The following LTO1 variants were observed in gnomAD, a reference collection of about 807,000 sequenced individuals.
LTO1 encodes protein LTO1 homolog.
A neutral mutation model predicts 19.8 loss-of-function variants in LTO1; 18 were observed. The ratio of observed to expected loss-of-function variants is 0.91; its 90% confidence interval spans 0.63 to 1.35. The LOEUF is 1.35. Among genes scored for constraint, LTO1 ranks in the 40% most tolerant of loss-of-function variants. The probability of loss-of-function intolerance (pLI) is 0.00; values close to 1 mark genes in which losing one functional copy is unlikely to be tolerated. For missense variants in LTO1, 175 were observed against 167.9 expected (o/e 1.04, Z -0.23); for synonymous variants, 59 against 59.6 (o/e 0.99, Z 0.05).
At chr11:69,672,825 T>A in intron 2 of LTO1, 1 of 310,794 alleles carries the variant, frequency 3.2e-6, no homozygotes, top group Non-Finnish European at 6.4e-6. Flanking sequence ...TTTTTGGAGA[T>A]GGAGTTTCAT....
rs1437491041 is a variant in LTO1 at position 69,673,269 on chromosome 11, C to G, written c.103G>C (p.Val35Leu). Reference sequence around the variant, plus strand: ...GTGCCATGCTGCCTTCCCTCCATCACACCCAAACTACTGCCTTCTTCATAG... The same window carrying G: ...GTGCCATGCTGCCTTCCCTCCATCAGACCCAAACTACTGCCTTCTTCATAG... The part of the protein sequence containing the change: ...EGYEEGSSLG[V>L]MEGRQHGTLH... The change falls in exon 2 of 5, where the codon GTG (valine) becomes CTG (leucine). Residue 35 changes from valine to leucine, a missense_variant. Transcript: ENST00000279147. 4 of 1,613,810 alleles carry G rather than the reference C, an allele frequency of 2.5e-6. No homozygotes were observed. The Admixed American group carries it at 6.7e-5, about 27-fold the overall frequency.
At chr11:69,674,245 C>G (rs1856155123) in intron 1 of LTO1, among the ~76,000 whole-genome samples, 1 of 152,154 alleles carries the variant, frequency 6.6e-6, no homozygotes, top group Non-Finnish European at 1.5e-5. Context: ...AGCACTAGCC[C>G]AAGTCAACCG....
At chr11:69,668,166 ATATT>A (rs1365105223) in intron 3 of LTO1, 154 bp from the exon 4 acceptor site, 5 of 631,968 alleles carry the variant, frequency 7.9e-6, no homozygotes, top group South Asian at 7.4e-5. Context: ...ACACGAAATC[ATATT>A]TATTTACCTA....
intron 3 of LTO1, among the ~76,000 whole-genome samples, chr11:69,668,923 GA>G (rs1301147687): frequency 6.6e-6 from 1 of 151,832 alleles, no homozygotes; most frequent in Non-Finnish European, 1.5e-5. Flanking sequence ...AGCTACTCGG[GA>G]GGCTGAGACA....
In LTO1 at chr11:69,673,251, G is replaced by T. The variant is rs1442137361; in HGVS notation, c.121C>A (p.His41Asn). 6.2e-7 allele frequency: 1 copy of T among 1,613,164 alleles called. No individual in the cohort carries two copies. The highest frequency in any genetic ancestry group is 1.3e-5 in the African/African-American group (1 of 74,900). ...ATTTTGGCTCCATGCAGCGTGCCAT[G>T]CTGCCTTCCCTCCATCACACCCAAA... ...SSLGVMEGRQ[H>N]GTLHGAKIGS... Residue 41 changes from histidine to asparagine, a missense_variant, in exon 2 of 5, where the codon CAT becomes AAT. Physicochemically the swap from His to Asn is moderately conservative, Grantham distance 68 (BLOSUM62 1). Coordinates refer to ENST00000279147, the MANE Select transcript of LTO1 (RefSeq NM_153451.3).
chr11:69,669,354 C>G (rs1171413328), intron 3 of LTO1, among the ~76,000 whole-genome samples: 1 of 152,168 alleles, frequency 6.6e-6, no homozygotes, highest in African/African-American at 2.4e-5. Flanking sequence ...GCAACCAAGA[C>G]CTCCTGTGTA....
At position 69,675,263 on chromosome 11, in the gene LTO1, C is replaced by T. The variant is rs1856174860; in HGVS notation, c.-24G>A. The T allele has an allele frequency of 1.4e-6, 2 of 1,479,536 alleles. No individual in the cohort carries two copies. The highest frequency in any genetic ancestry group is 1.8e-6 in the Non-Finnish European group (2 of 1,115,418). The allele number at this position is 1,479,536 out of a possible 1,614,324, so 91.7% of individuals were successfully genotyped here. On this transcript the variant is annotated 5_prime_UTR_variant, in exon 1 of 5. Transcript: ENST00000279147. ...ATAGCGGCAAGCAGCCCGCCCTTGG[C>T]CCCCGGGTTTCTGCAGCCCCGCGGT...
At chr11:69,672,575 A>C in intron 2 of LTO1, 1 of 157,244 alleles carries the variant, frequency 6.4e-6, no homozygotes, top group Non-Finnish European at 1.4e-5. Flanking sequence ...ACATAAATGG[A>C]ATATGTTCAC....
chr11:69,673,400 A>T, intron 1 of LTO1, 79 bp from the exon 2 acceptor site: 2 of 956,858 alleles, frequency 2.1e-6, no homozygotes, highest in Middle Eastern at 2.1e-4. Flanking sequence ...CTCTTGTATT[A>T]CCCGGACCCA....
chr11:69,671,124 C>A (rs996485821), intron 3 of LTO1, among the ~76,000 whole-genome samples: 1 of 152,138 alleles, frequency 6.6e-6, no homozygotes, highest in African/African-American at 2.4e-5. Context: ...TGGTCTCGAA[C>A]TCTTGATCTC....
intron 1 of LTO1, chr11:69,674,942 G>A: frequency 1.5e-6 from 1 of 689,194 alleles, no homozygotes; most frequent in Non-Finnish European, 2.7e-6. Flanking sequence ...CAGATGTTTG[G>A]GGCAGCCCTG....
At chr11:69,673,844 C>T (rs1443270382) in intron 1 of LTO1, among the ~76,000 whole-genome samples, 3 of 151,814 alleles carry the variant, frequency 2.0e-5, no homozygotes, top group Non-Finnish European at 2.9e-5. Context: ...AGGGCCACCG[C>T]ACCTGGCCTG....
At position 69,671,777 on chromosome 11, in the gene LTO1, G is replaced by A; in HGVS notation, c.199C>T (p.Leu67=). The change falls in exon 3 of 5, where the codon CTG becomes TTG. Residue 67 remains leucine (L), a synonymous_variant. Coordinates refer to ENST00000279147, the MANE Select transcript of LTO1 (RefSeq NM_153451.3). ...QGFAFAWKCL[L]HSCTTEKDSR... is the part of the protein sequence containing the mutation. ...TCCTTCTCAGTGGTGCAACTGTGCA[G>A]TAGACATTTCCATGCAAAAGCAAAA... is the stretch of plus-strand genomic sequence containing the variant. 6.2e-7 allele frequency: 1 copy of A among 1,602,782 alleles called. No individual in the cohort carries two copies. Among genetic ancestry groups the A allele is most frequent in the Non-Finnish European group, 8.5e-7 (1 of 1,169,714 alleles).
chr11:69,674,383 A>G (rs564173654), intron 1 of LTO1, among the ~76,000 whole-genome samples: 3 of 152,366 alleles, frequency 2.0e-5, no homozygotes, highest in Admixed American at 1.3e-4. Flanking sequence ...CTGAGGCCCA[A>G]CAGTGGAACT....
chr11:69,669,544 C>T (rs999217654), intron 3 of LTO1, among the ~76,000 whole-genome samples: 5 of 152,192 alleles, frequency 3.3e-5, no homozygotes, highest in African/African-American at 1.2e-4. Context: ...GATGCCAAAA[C>T]GTGGGAGGTG....
chr11:69,667,604 G>A lies in LTO1; in HGVS notation c.346-17C>T, dbSNP rs1175354705. 3 of 1,556,840 alleles carry A rather than the reference G, an allele frequency of 1.9e-6. No individual in the cohort carries two copies. The highest frequency in any genetic ancestry group is 1.1e-5 in the South Asian group (1 of 89,770). The stretch of plus-strand genomic sequence containing the variant: ...CGAACAAAACTGAAAACACAAAAGA[G>A]ATGGTATTTTTAATCTTGTGCATTT... On this transcript the variant is annotated splice_polypyrimidine_tract_variant and intron_variant, in intron 4 of 4. Transcript: ENST00000279147.
rs543938940 is a variant in LTO1 at position 69,667,212 on chromosome 11, G to A, written c.*307C>T. On this transcript the variant is annotated 3_prime_UTR_variant, in exon 5 of 5. Coordinates refer to ENST00000279147, the MANE Select transcript of LTO1 (RefSeq NM_153451.3). ...CAGGCCTGGTGACTGACCCTATCCA[G>A]AGCCAACTCCAACCCAGAACCAGCT... 11 of 405,872 alleles carry A rather than the reference G, an allele frequency of 2.7e-5. No individual in the cohort carries two copies. The highest frequency in any genetic ancestry group is 1.0e-4 in the African/African-American group (5 of 48,472). The allele number at this position is 405,872 out of a possible 1,614,324, so 25.1% of individuals were successfully genotyped here.
At chr11:69,669,431 G>C (rs1460010007) in intron 3 of LTO1, among the ~76,000 whole-genome samples, 1 of 152,162 alleles carries the variant, frequency 6.6e-6, no homozygotes, top group African/African-American at 2.4e-5. Flanking sequence ...CAGTTTACAA[G>C]AGCTAACCAT....
intron 2 of LTO1, chr11:69,672,177 G>A (rs879024612): frequency 8.5e-6 from 2 of 235,734 alleles, no homozygotes; most frequent in South Asian, 6.1e-5. Context: ...TGGACCACTC[G>A]CTCTTGAATG....
Sources: allele counts gnomAD v4.1 joint callset (sites outside exome capture counted in the v4.1 genomes callset), GRCh38; gene constraint gnomAD v4.1.1; transcripts MANE v1.5; gene names NCBI Gene and HGNC (gene_info 2026-07-23, HGNC 2026-07-21).